Variants in PIEZO2 observed in about 807,000 individuals in gnomAD.
The protein encoded by PIEZO2 is piezo-type mechanosensitive ion channel component 2.
PIEZO2 carries 172 observed loss-of-function variants against 337.3 expected under a neutral mutation model. The observed-to-expected ratio is 0.51, with a 90% CI of 0.45 to 0.58. The LOEUF (loss-of-function observed/expected upper bound fraction) is 0.58, where lower values mean the gene tolerates loss of function less well. Among genes scored for constraint, PIEZO2 ranks in the 20% least tolerant of loss-of-function variants. The pLI, the probability that PIEZO2 is intolerant of heterozygous loss-of-function variation, is 0.00. For missense variants in PIEZO2, 3,028 were observed against 3,391.3 expected (o/e 0.89, Z 2.66); for synonymous variants, 1,251 against 1,228.5 (o/e 1.02, Z -0.38).
At chr18:10,782,394 T>A (rs868710928) in intron 17 of PIEZO2, among the ~76,000 whole-genome samples, 224 of 80,770 alleles carry the variant, frequency 2.8e-3, no homozygotes, top group African/African-American at 0.01. Flanking sequence ...TAATTATATA[T>A]AAATAATTAT....
intron 54 of PIEZO2, among the ~76,000 whole-genome samples, chr18:10,674,614 G>A (rs1445293624): frequency 6.6e-6 from 1 of 152,248 alleles, no homozygotes; most frequent in Non-Finnish European, 1.5e-5. Flanking sequence ...AGTGGCCCAT[G>A]TTGGAGAATG....
chr18:10,765,725 C>T lies in PIEZO2; in HGVS notation c.2947-2627G>A, dbSNP rs149411741. Among the ~76,000 whole-genome samples the T allele has an allele frequency of 2.9e-4, 14 of 48,976 alleles. No homozygotes were observed. The East Asian group carries it at 7.2e-3, about 25-fold the overall frequency. 32.1% of individuals were successfully genotyped at this position (48,976 alleles called of 152,430 possible). A position where few individuals can be genotyped will look rare whatever the true frequency, so the allele number is the denominator to read the frequency against. On this transcript the variant is annotated intron_variant, in intron 21 of 55. Transcript: ENST00000674853. Reference sequence around the variant, plus strand: ...GTGAGTTGACACAGATTTTGGGACTCGCAGCAAGTGCAGGAGTCCTGTGCT... The same window carrying T: ...GTGAGTTGACACAGATTTTGGGACTTGCAGCAAGTGCAGGAGTCCTGTGCT...
chr18:10,852,746 C>T (rs942792489), intron 7 of PIEZO2, among the ~76,000 whole-genome samples: 2 of 152,150 alleles, frequency 1.3e-5, no homozygotes, highest in African/African-American at 4.8e-5. Context: ...TCCAGAGGCA[C>T]AGCAGAGAGA....
In PIEZO2 at chr18:10,676,792, G is replaced by A. The variant is rs2034025591; in HGVS notation, c.8081+955C>T. 6.6e-6 allele frequency among the ~76,000 whole-genome samples: 1 copy of A among 152,218 alleles called. No homozygotes were observed. Among genetic ancestry groups the A allele is most frequent in the Admixed American group, 6.5e-5 (1 of 15,288 alleles). On this transcript the variant is annotated intron_variant, in intron 53 of 55. Coordinates refer to ENST00000674853, the MANE Select transcript of PIEZO2 (RefSeq NM_001378183.1). This position sits in a 1 kb window ranked among gnomAD's most constrained non-coding sequence, Gnocchi z 5.1. ...CCACCTCTTTCCACTGAGGGTGAAC[G>A]AGTGAAGTGGGTACCCACGATCGGG...
At chr18:10,747,791 C>T (rs536810643) in intron 30 of PIEZO2, among the ~76,000 whole-genome samples, 7 of 152,258 alleles carry the variant, frequency 4.6e-5, no homozygotes, top group Non-Finnish European at 7.4e-5. Flanking sequence ...GTCTGAACTT[C>T]GAGTCAAATG....
intron 2 of PIEZO2, among the ~76,000 whole-genome samples, chr18:11,014,733 AC>A (rs1343978250): frequency 8.0e-6 from 1 of 125,434 alleles, no homozygotes; most frequent in African/African-American, 3.1e-5. Flanking sequence ...ACTGGTGGGC[AC>A]TTCACCCTGT....
intron 7 of PIEZO2, among the ~76,000 whole-genome samples, chr18:10,836,297 T>A (rs2041011879): frequency 6.6e-6 from 1 of 152,226 alleles, no homozygotes; most frequent in South Asian, 2.1e-4. Flanking sequence ...CATCCTGAGC[T>A]TATTGGCTCA....
chr18:10,715,750 T>C lies in PIEZO2; in HGVS notation c.5156A>G (p.Asp1719Gly). The change falls in exon 38 of 56, where the codon GAC (aspartate) becomes GGC (glycine). Residue 1719 changes from aspartate (D) to glycine (G), a missense_variant. Asp to Gly is a moderately conservative substitution (Grantham distance 94, BLOSUM62 -1). Coordinates refer to ENST00000674853, the MANE Select transcript of PIEZO2 (RefSeq NM_001378183.1). ...GGAGTTAAGCCAAGTAGTGAAACTGTCCACTGTTGCCAGAAATAGGACCCA... is the reference window on the plus strand; with the variant it reads ...GGAGTTAAGCCAAGTAGTGAAACTGCCCACTGTTGCCAGAAATAGGACCCA... ...FTWVLFLATVDSFTTWLNSIS... is the reference protein window; with the variant it reads ...FTWVLFLATVGSFTTWLNSIS... 1 of 1,535,380 alleles carries C rather than the reference T, an allele frequency of 6.5e-7. No individual in the cohort carries two copies. Among genetic ancestry groups the C allele is most frequent in the Non-Finnish European group, 8.7e-7 (1 of 1,145,292 alleles).
rs1216273947 is a variant in PIEZO2 at position 10,846,676 on chromosome 18, T to C, written c.917+8677A>G. On this transcript the variant is annotated intron_variant, in intron 7 of 55. Transcript: ENST00000674853. The surrounding 1 kb of genome is among the most constrained non-coding windows in gnomAD (Gnocchi z 4.1). Reference sequence around the variant, plus strand: ...AATGCAGCTGGTGTTATAAAGCAAGTTTGCACAGAATAATTGCCTACAAGA... The same window carrying C: ...AATGCAGCTGGTGTTATAAAGCAAGCTTGCACAGAATAATTGCCTACAAGA... 6.6e-6 allele frequency among the ~76,000 whole-genome samples: 1 copy of C among 152,086 alleles called. No individual in the cohort carries two copies. The highest frequency in any genetic ancestry group is 1.5e-5 in the Non-Finnish European group (1 of 68,010).
rs2038352181 is a variant in PIEZO2, at chr18:10,766,267, G to T, written c.2947-3169C>A. Among the ~76,000 whole-genome samples, 2 of 151,246 alleles carry T rather than the reference G, an allele frequency of 1.3e-5. No homozygotes were observed. Among genetic ancestry groups the T allele is most frequent in the South Asian group, 4.2e-4 (2 of 4,778 alleles). ...GAGGGATAAGGAAGAAGAAGAGGAA[G>T]GAGAAAAGGGGAGAGAGAAGGGGAA... is the stretch of plus-strand genomic sequence containing the variant. On this transcript the variant is annotated intron_variant, in intron 21 of 55. Transcript: ENST00000674853. This position sits in a 1 kb window ranked among gnomAD's most constrained non-coding sequence, Gnocchi z 6.1.
chr18:10,680,467 A>C, intron 51 of PIEZO2, 96 bp from the exon 52 acceptor site: 1 of 1,174,866 alleles, frequency 8.5e-7, no homozygotes, highest in Non-Finnish European at 1.2e-6. Context: ...AGTATGGAAA[A>C]GGTTTCTCCC....
chr18:11,116,509 A>C lies in PIEZO2; in HGVS notation c.64+32016T>G, dbSNP rs1052959845. ...TGGGCGGATCACGATGTCAGGAGAC[A>C]GAGACCATCCTGGCTAACACGGTGA... On this transcript the variant is annotated intron_variant, in intron 1 of 55. Transcript: ENST00000674853. The surrounding 1 kb of genome is among the most constrained non-coding windows in gnomAD (Gnocchi z 5.0). 6.6e-5 allele frequency among the ~76,000 whole-genome samples: 10 copies of C among 151,616 alleles called. No individual in the cohort carries two copies. Among genetic ancestry groups the C allele is most frequent in the Non-Finnish European group, 1.5e-4 (10 of 67,872 alleles).
rs373654106 is a variant in PIEZO2, at chr18:10,863,585, A to G, written c.493-6374T>C. 2.0e-5 allele frequency among the ~76,000 whole-genome samples: 3 copies of G among 152,316 alleles called. 1 individual carries two copies. The highest frequency in any genetic ancestry group is 6.5e-5 in the Admixed American group (1 of 15,298). Reference sequence around the variant, plus strand: ...GCCTAAAGGATCTGTGGAGCTTTGAAAAAACTAGTCCAATTCCTACCACAT... The same window carrying G: ...GCCTAAAGGATCTGTGGAGCTTTGAGAAAACTAGTCCAATTCCTACCACAT... On this transcript the variant is annotated intron_variant, in intron 5 of 55. Transcript: ENST00000674853. This position sits in a 1 kb window ranked among gnomAD's most constrained non-coding sequence, Gnocchi z 4.3.
At chr18:10,798,615 CT>C (rs2144249653) in intron 11 of PIEZO2, among the ~76,000 whole-genome samples, 1 of 152,318 alleles carries the variant, frequency 6.6e-6, no homozygotes, top group Admixed American at 6.5e-5. Context: ...ATCTTTCCAG[CT>C]TTTGTTTCAC....
In PIEZO2 at chr18:11,021,551, C is replaced by T. The variant is rs551604607; in HGVS notation, c.161-41891G>A. Among the ~76,000 whole-genome samples, 1 of 152,244 alleles carries T rather than the reference C, an allele frequency of 6.6e-6. No individual in the cohort carries two copies. The highest frequency in any genetic ancestry group is 2.1e-4 in the South Asian group (1 of 4,810). Reference sequence around the variant, plus strand: ...TTCAGCCGCCAATGGCGTTTAGTCTCCTTGTGAATTCGTGAGGAGGAACAC... The same window carrying T: ...TTCAGCCGCCAATGGCGTTTAGTCTTCTTGTGAATTCGTGAGGAGGAACAC... On this transcript the variant is annotated intron_variant, in intron 2 of 55. Transcript: ENST00000674853. The surrounding 1 kb of genome is among the most constrained non-coding windows in gnomAD (Gnocchi z 4.7).
At chr18:10,796,933 ATCATG>A (rs2039621199) in intron 12 of PIEZO2, among the ~76,000 whole-genome samples, 1 of 152,174 alleles carries the variant, frequency 6.6e-6, no homozygotes. Context: ...TATATGTACT[ATCATG>A]TCATATCATA....
intron 18 of PIEZO2, among the ~76,000 whole-genome samples, chr18:10,774,336 C>T (rs1392223056): frequency 6.6e-6 from 1 of 152,176 alleles, no homozygotes; most frequent in Non-Finnish European, 1.5e-5. Flanking sequence ...ACGCAACAAA[C>T]CATCTTGCAA....
At chr18:10,749,041 C>T (rs2037539971) in intron 29 of PIEZO2, among the ~76,000 whole-genome samples, 1 of 152,088 alleles carries the variant, frequency 6.6e-6, no homozygotes, top group African/African-American at 2.4e-5. Context: ...GAATAATGAG[C>T]ACAGCATGGC....
intron 2 of PIEZO2, among the ~76,000 whole-genome samples, chr18:11,045,914 A>G (rs914708815): frequency 3.3e-5 from 5 of 152,118 alleles, no homozygotes; most frequent in African/African-American, 9.7e-5. Flanking sequence ...CCCACACTCT[A>G]TCTAGTCCCA....
Sources: gnomAD v4.1 joint callset for allele counts (sites outside exome capture counted in the v4.1 genomes callset) on GRCh38, gnomAD v4.1.1 for gene constraint, Gnocchi (gnomAD v3.1) non-coding constraint, MANE v1.5 for transcripts, NCBI Gene and HGNC (gene_info 2026-07-23, HGNC 2026-07-21) for gene names.